Variants in FAM227A observed in about 807,000 individuals in gnomAD.
The protein encoded by FAM227A is family with sequence similarity 227 member A.
FAM227A carries 80 observed loss-of-function variants against 74.7 expected under a neutral mutation model. That is an observed-to-expected ratio of 1.07 (90% CI 0.89 to 1.29). FAM227A has a LOEUF of 1.29. FAM227A is among the 50% of genes most tolerant of loss of function. The pLI is 0.00. For missense variants in FAM227A, 654 were observed against 683.4 expected (o/e 0.96, Z 0.48); for synonymous variants, 237 against 241.8 (o/e 0.98, Z 0.19).
chr22:38,634,113 CAG>C (rs1406103598), intron 6 of FAM227A, among the ~76,000 whole-genome samples: 1 of 148,768 alleles, frequency 6.7e-6, no homozygotes, highest in African/African-American at 2.5e-5. Context: ...CCCAGCTACT[CAG>C]GGAGGCTGAG....
intron 7 of FAM227A, 146 bp from the exon 8 acceptor site, chr22:38,628,488 GTTCA>G (rs973046997): frequency 7.7e-6 from 5 of 648,860 alleles, no homozygotes; most frequent in Non-Finnish European, 1.3e-5. Flanking sequence ...GAAATAATGT[GTTCA>G]TTTTTGGGGA....
At position 38,582,728 on chromosome 22, in the gene FAM227A, T is replaced by G. The variant is rs2090726422; in HGVS notation, c.*3397A>C. 8.1e-7 allele frequency: 1 copy of G among 1,227,062 alleles called. No individual in the cohort carries two copies. The highest frequency in any genetic ancestry group is 1.4e-5 in the South Asian group (1 of 69,794). 76.0% of individuals were successfully genotyped at this position (1,227,062 alleles called of 1,614,324 possible). A position where few individuals can be genotyped will look rare whatever the true frequency, so the allele number is the denominator to read the frequency against. ...CCTGGGCTTAGAAAATAAGGAGACCTTCTTGCTGTATGGGGGCTAATAGTA... is the reference window on the plus strand; with the variant it reads ...CCTGGGCTTAGAAAATAAGGAGACCGTCTTGCTGTATGGGGGCTAATAGTA... On this transcript the variant is annotated 3_prime_UTR_variant, in exon 17 of 17. Coordinates refer to ENST00000535113, the MANE Select transcript of FAM227A (RefSeq NM_001013647.2).
At chr22:38,628,203 T>C in intron 8 of FAM227A, 35 bp downstream of exon 8, 4 of 1,232,344 alleles carry the variant, frequency 3.2e-6, no homozygotes, top group Non-Finnish European at 4.7e-6. Context: ...AGAAATCTAA[T>C]GTGACTTTTT....
At chr22:38,600,005 C>T in intron 13 of FAM227A, 84 bp from the exon 14 acceptor site, 3 of 1,226,648 alleles carry the variant, frequency 2.4e-6, no homozygotes, top group Non-Finnish European at 3.3e-6. Flanking sequence ...TCAAAGCACT[C>T]ATGTCCTTTG....
At chr22:38,626,098 A>G in intron 9 of FAM227A, 82 bp downstream of exon 9, 1 of 1,410,558 alleles carries the variant, frequency 7.1e-7, no homozygotes, top group South Asian at 1.3e-5. Flanking sequence ...GGGGTGTCAT[A>G]GCAAACAATA....
intron 10 of FAM227A, among the ~76,000 whole-genome samples, chr22:38,621,312 TG>T (rs2091684252): frequency 1.4e-5 from 2 of 139,954 alleles, no homozygotes; most frequent in Non-Finnish European, 3.0e-5. Context: ...ATCACGCCAC[TG>T]CACTCCAGCC....
At chr22:38,614,800 G>C (rs2091541543) in intron 11 of FAM227A, among the ~76,000 whole-genome samples, 1 of 152,100 alleles carries the variant, frequency 6.6e-6, no homozygotes, top group Admixed American at 6.6e-5. Flanking sequence ...ACACACGCTT[G>C]TTTCAAGCCA....
intron 3 of FAM227A, among the ~76,000 whole-genome samples, chr22:38,645,265 C>CGG (rs1266953975): frequency 4.1e-5 from 6 of 146,148 alleles, no homozygotes; most frequent in African/African-American, 1.0e-4. Flanking sequence ...GTGGCACGCA[C>CGG]CTGTAGTCCC....
Position 38,607,768 on chromosome 22 carries a change from T to C in FAM227A, c.1039-292A>G, listed in dbSNP as rs117655125. Among the ~76,000 whole-genome samples, 76 of 152,250 alleles carry C rather than the reference T, an allele frequency of 5.0e-4. No individual in the cohort carries two copies. The East Asian group carries it at 0.015, about 29-fold the overall frequency. On this transcript the variant is annotated intron_variant, in intron 11 of 16. Coordinates refer to ENST00000535113, the MANE Select transcript of FAM227A (RefSeq NM_001013647.2). ...TCTGGGGCAAGTCATCAAACCTCTT[T>C]ACCGCCTTGGTTTCCTTGTAGGATT...
At chr22:38,643,488 G>T (rs986940009) in intron 3 of FAM227A, among the ~76,000 whole-genome samples, 13 of 152,108 alleles carry the variant, frequency 8.5e-5, no homozygotes, top group African/African-American at 3.1e-4. Context: ...CCAAAATCTA[G>T]AACACTGACA....
rs1274288848 is a variant in FAM227A at position 38,650,257 on chromosome 22, A to G, written c.-89T>C. ...CTCCAATCTTGTCGTTTGTTTAATC[A>G]GCCTCCTGGAAATCATAAACAGCAT... On this transcript the variant is annotated 5_prime_UTR_variant, in exon 2 of 17. It removes the in-frame stop codon of an upstream open reading frame in the 5' UTR. Coordinates refer to ENST00000535113, the MANE Select transcript of FAM227A (RefSeq NM_001013647.2). 1 of 1,328,910 alleles carries G rather than the reference A, an allele frequency of 7.5e-7. No homozygotes were observed. The highest frequency in any genetic ancestry group is 2.1e-5 in the Admixed American group (1 of 46,806). The allele number at this position is 1,328,910 out of a possible 1,614,324, so 82.3% of individuals were successfully genotyped here. A position where few individuals can be genotyped will look rare whatever the true frequency, so the allele number is the denominator to read the frequency against.
At chr22:38,638,692 A>G in intron 5 of FAM227A, 54 bp downstream of exon 5, 2 of 1,308,096 alleles carry the variant, frequency 1.5e-6, no homozygotes, top group Non-Finnish European at 2.2e-6. Context: ...TAAAATCTTT[A>G]TTTCATGCCT....
intron 11 of FAM227A, chr22:38,618,579 T>G (rs914167717): frequency 1.1e-4 from 16 of 152,142 alleles, no homozygotes; most frequent in African/African-American, 3.6e-4. Context: ...CAAATAAAAT[T>G]TGAATGCCTT....
At chr22:38,641,090 C>A (rs1194254636) in intron 3 of FAM227A, among the ~76,000 whole-genome samples, 1 of 151,070 alleles carries the variant, frequency 6.6e-6, no homozygotes, top group East Asian at 2.0e-4. Flanking sequence ...CACTGTATGG[C>A]CTGGAAGGAT....
In FAM227A at chr22:38,642,705, G is replaced by T. The variant is rs185085539; in HGVS notation, c.225+2858C>A. ...AATCCCAGCACTTTGGGAGGCCAAG[G>T]TGAGCGGATCACTTGAGGTCGGGAG... On this transcript the variant is annotated intron_variant, in intron 3 of 16. Transcript: ENST00000535113. Among the ~76,000 whole-genome samples the T allele has an allele frequency of 9.7e-3, 1,469 of 152,218 alleles. 29 individuals carry two copies. Among genetic ancestry groups the T allele is most frequent in the African/African-American group, 0.034 (1,423 of 41,522 alleles).
chr22:38,640,464 T>G (rs909637404), intron 3 of FAM227A, among the ~76,000 whole-genome samples: 7 of 152,122 alleles, frequency 4.6e-5, no homozygotes, highest in African/African-American at 1.7e-4. Context: ...CAAGAGAGAC[T>G]TCTCTTGATC....
At chr22:38,652,642 T>C (rs1292010612) in intron 1 of FAM227A, among the ~76,000 whole-genome samples, 1 of 146,712 alleles carries the variant, frequency 6.8e-6, no homozygotes, top group Non-Finnish European at 1.5e-5. Flanking sequence ...ATCCCAGCAC[T>C]TTGGGAAGCC....
chr22:38,639,487 C>A, intron 4 of FAM227A, 168 bp downstream of exon 4: 2 of 709,710 alleles, frequency 2.8e-6, no homozygotes, highest in Non-Finnish European at 2.5e-6. Flanking sequence ...AATGGTACTG[C>A]CCCTCCCTCC....
intron 11 of FAM227A, among the ~76,000 whole-genome samples, chr22:38,613,801 T>C (rs2091519209): frequency 6.6e-6 from 1 of 152,200 alleles, no homozygotes; most frequent in Non-Finnish European, 1.5e-5. Flanking sequence ...ACATTGTGAC[T>C]GATTTCTCTA....
Sources: allele counts gnomAD v4.1 joint callset (sites outside exome capture counted in the v4.1 genomes callset), GRCh38; gene constraint gnomAD v4.1.1; transcripts MANE v1.5; gene names NCBI Gene and HGNC (gene_info 2026-07-23, HGNC 2026-07-21).